ZMYM5: variants seen among roughly 807,000 people sequenced by gnomAD.
The protein encoded by ZMYM5 is zinc finger MYM-type containing 5, also known as zinc finger MYM-type protein 5.
ZMYM5 carries 41 observed loss-of-function variants against 61.8 expected under a neutral mutation model. The ratio of observed to expected loss-of-function variants is 0.66; its 90% CI spans 0.52 to 0.86. The LOEUF (loss-of-function observed/expected upper bound fraction) is 0.86, where lower values mean the gene tolerates loss of function less well. Ranked by LOEUF, ZMYM5 falls within the 40% of genes least tolerant of loss-of-function variation. The pLI is 0.00. For missense variants in ZMYM5, 706 were observed against 786.7 expected, an observed-to-expected ratio of 0.90 and a Z score of 1.23; for synonymous variants, 257 against 276.4, an observed-to-expected ratio of 0.93 and a Z score of 0.70.
intron 6 of ZMYM5, 178 bp downstream of exon 6, chr13:19,837,478 A>C: frequency 1.3e-6 from 2 of 1,578,908 alleles, no homozygotes; most frequent in East Asian, 2.3e-5. Context: ...ATGCAAATGG[A>C]ATTTTATTTA....
chr13:19,855,464 G>A (rs898404795), intron 2 of ZMYM5, among the ~76,000 whole-genome samples: 2 of 151,126 alleles, frequency 1.3e-5, no homozygotes, highest in Admixed American at 6.6e-5. Context: ...GGGTTTCACC[G>A]TGTTAGCCAG....
intron 4 of ZMYM5, among the ~76,000 whole-genome samples, chr13:19,848,309 C>T (rs887185763): frequency 6.6e-6 from 1 of 151,932 alleles, no homozygotes; most frequent in Non-Finnish European, 1.5e-5. Context: ...GAGACCGGGT[C>T]TCACTCTATT....
chr13:19,861,264 T>C (rs916836060), intron 2 of ZMYM5, among the ~76,000 whole-genome samples: 12 of 152,200 alleles, frequency 7.9e-5, no homozygotes, highest in Non-Finnish European at 1.6e-4. Context: ...TCCTCCCACC[T>C]CAGCTTTCTG....
intron 2 of ZMYM5, among the ~76,000 whole-genome samples, chr13:19,853,236 G>C (rs191024478): frequency 6.6e-6 from 1 of 152,202 alleles, no homozygotes; most frequent in African/African-American, 2.4e-5. Context: ...TAATCTAGCA[G>C]AGACAATAGT....
At chr13:19,844,396 C>A (rs1953003334) in intron 4 of ZMYM5, among the ~76,000 whole-genome samples, 1 of 152,150 alleles carries the variant, frequency 6.6e-6, no homozygotes, top group Non-Finnish European at 1.5e-5. Flanking sequence ...TTGCTTTTAA[C>A]ACAACCTAGA....
At chr13:19,837,943 T>A (rs1292686101) in intron 5 of ZMYM5, 122 bp from the exon 6 acceptor site, 1 of 1,127,334 alleles carries the variant, frequency 8.9e-7, no homozygotes, top group Non-Finnish European at 1.2e-6. Flanking sequence ...CAAGTATAAC[T>A]TTTAGATGCA....
At chr13:19,837,327 T>A (rs1251274256) in intron 6 of ZMYM5, 1 of 962,436 alleles carries the variant, frequency 1.0e-6, no homozygotes, top group East Asian at 4.5e-5. Flanking sequence ...CCCCAAGGGG[T>A]AGTTTTCCAG....
In ZMYM5 at chr13:19,837,802, C is replaced by G. The variant is rs372938471; in HGVS notation, c.892G>C (p.Ala298Pro). The part of the protein sequence containing the change: ...ICKKDASTKK[A>P]NVILPVESSK... ...GATTCTACTGGAAGAATGACATTAG[C>G]CTTCTTTGTAGATGCATCTCTGAAA... Residue 298 changes from alanine to proline, a missense_variant, in exon 6 of 8, where the codon GCT becomes CCT. Coordinates refer to ENST00000337963, the MANE Select transcript of ZMYM5 (RefSeq NM_001142684.2). 6.3e-7 allele frequency: 1 copy of G among 1,591,114 alleles called. No individual in the cohort carries two copies. The highest frequency in any genetic ancestry group is 1.2e-5 in the South Asian group (1 of 85,334).
At chr13:19,835,234 A>G (rs563122753) in intron 7 of ZMYM5, among the ~76,000 whole-genome samples, 50 of 152,230 alleles carry the variant, frequency 3.3e-4, no homozygotes, top group African/African-American at 1.1e-3. Context: ...AGCTCAAGCA[A>G]TCCTCCCACC....
At chr13:19,857,015 A>C (rs1593919198) in intron 2 of ZMYM5, among the ~76,000 whole-genome samples, 1 of 152,230 alleles carries the variant, frequency 6.6e-6, no homozygotes, top group Admixed American at 6.5e-5. Flanking sequence ...CTGAGGCAGG[A>C]GAATGGCGTG....
chr13:19,844,281 G>A (rs67158257), intron 4 of ZMYM5, among the ~76,000 whole-genome samples: 14,961 of 152,206 alleles, frequency 0.098, 869 homozygotes, highest in African/African-American at 0.16. Flanking sequence ...CTGCACTCCA[G>A]CCTGAGCGAA....
At chr13:19,861,033 A>G (rs1330940085) in intron 2 of ZMYM5, among the ~76,000 whole-genome samples, 1 of 150,908 alleles carries the variant, frequency 6.6e-6, no homozygotes, top group Admixed American at 6.6e-5. Flanking sequence ...CCAGCCTGGA[A>G]TGCTATGGCA....
Position 19,863,599 on chromosome 13 carries a change from AAGC to A in ZMYM5, c.-231_-229del, listed in dbSNP as rs1187363573. 3.9e-5 allele frequency: 6 copies of A among 152,502 alleles called. No homozygotes were observed. Among genetic ancestry groups the A allele is most frequent in the Non-Finnish European group, 7.3e-5 (5 of 68,214 alleles). The allele number at this position is 152,502 out of a possible 1,614,324, so 9.4% of individuals were successfully genotyped here. ...AACAAGCCCACCCCGCTTCGGCGACAAGCACAACTCCGCGAGGTCCAGTCCCGG... is the reference window on the plus strand; with the variant it reads ...AACAAGCCCACCCCGCTTCGGCGACAACAACTCCGCGAGGTCCAGTCCCGG... On this transcript the variant is annotated 5_prime_UTR_variant, in exon 1 of 8. Transcript: ENST00000337963.
intron 7 of ZMYM5, among the ~76,000 whole-genome samples, chr13:19,830,839 CT>C (rs1160103759): frequency 0.088 from 11,402 of 129,446 alleles, 341 homozygotes; most frequent in African/African-American, 0.14. Flanking sequence ...GTTACTTTTT[CT>C]TTTTTTTTTT....
intron 4 of ZMYM5, chr13:19,843,459 T>C (rs1952958613): frequency 6.6e-6 from 1 of 150,616 alleles, no homozygotes; most frequent in Admixed American, 6.6e-5. Flanking sequence ...ATGGAATTCA[T>C]GCTTATATAA....
At chr13:19,849,847 G>A (rs1236313845) in intron 4 of ZMYM5, among the ~76,000 whole-genome samples, 1 of 152,012 alleles carries the variant, frequency 6.6e-6, no homozygotes, top group Non-Finnish European at 1.5e-5. Context: ...TAGGCGTGAT[G>A]GCACACGCCT....
At chr13:19,859,375 CTTTTTAGTTCCCG>C (rs1310144010) in intron 2 of ZMYM5, among the ~76,000 whole-genome samples, 2 of 152,084 alleles carry the variant, frequency 1.3e-5, no homozygotes, top group Admixed American at 1.3e-4. Flanking sequence ...TTCCAATTTG[CTTTTTAGTTCCCG>C]TTTTTTGTTT....
chr13:19,827,221 C>A (rs1890957377), intron 7 of ZMYM5, among the ~76,000 whole-genome samples: 1 of 152,114 alleles, frequency 6.6e-6, no homozygotes, highest in Non-Finnish European at 1.5e-5. Context: ...GTGAAAGTCA[C>A]TAAAATTTAA....
chr13:19,858,940 C>G (rs1953614911), intron 2 of ZMYM5, among the ~76,000 whole-genome samples: 1 of 152,106 alleles, frequency 6.6e-6, no homozygotes, highest in South Asian at 2.1e-4. Flanking sequence ...CATCCTAGCA[C>G]AGATTCTAAA....
Sources: gnomAD v4.1 joint callset for allele counts (sites outside exome capture counted in the v4.1 genomes callset) on GRCh38, gnomAD v4.1.1 for gene constraint, MANE v1.5 for transcripts, NCBI Gene and HGNC (gene_info 2026-07-23, HGNC 2026-07-21) for gene names.